OLA1: variants seen among roughly 807,000 people sequenced by gnomAD.
The protein encoded by OLA1 is obg-like ATPase 1.
In OLA1, 14 loss-of-function variants were observed where a neutral mutation model predicts 48.4. The ratio of observed to expected loss-of-function variants is 0.29; its 90% CI spans 0.19 to 0.45. OLA1 has a LOEUF of 0.45. Ranked by LOEUF, OLA1 falls within the 20% of genes least tolerant of loss-of-function variation. The probability of loss-of-function intolerance (pLI) is 1.00; values close to 1 mark genes in which losing one functional copy is unlikely to be tolerated. For synonymous variants in OLA1, 127 were observed against 150.4 expected, an observed-to-expected ratio of 0.84 and a Z score of 1.14; for missense variants, 325 against 467.1, an observed-to-expected ratio of 0.70 and a Z score of 2.80.
chr2:174,162,774 A>G (rs1433747991), intron 4 of OLA1, among the ~76,000 whole-genome samples: 2 of 152,190 alleles, frequency 1.3e-5, no homozygotes, highest in African/African-American at 4.8e-5. Context: ...GTGGTTAAGA[A>G]TCACTGCTCC....
chr2:174,175,296 TA>T (rs34692902), intron 4 of OLA1, among the ~76,000 whole-genome samples: 211 of 132,682 alleles, frequency 1.6e-3, no homozygotes, highest in African/African-American at 2.5e-3. Context: ...AAGACAGAAT[TA>T]AAAAAAAAAA....
At chr2:174,218,517 T>C (rs886579068) in intron 4 of OLA1, among the ~76,000 whole-genome samples, 30 of 152,260 alleles carry the variant, frequency 2.0e-4, no homozygotes, top group African/African-American at 7.0e-4. Context: ...CCCGTTTATA[T>C]AGCTGAATCC....
chr2:174,225,549 CA>C (rs1164106354), intron 3 of OLA1, among the ~76,000 whole-genome samples: 6 of 145,466 alleles, frequency 4.1e-5, no homozygotes, highest in Admixed American at 6.8e-5. Flanking sequence ...AACTCCCTCT[CA>C]AAAAAAAAAG....
At chr2:174,097,204 G>A (rs775611533) in intron 7 of OLA1, among the ~76,000 whole-genome samples, 5 of 152,020 alleles carry the variant, frequency 3.3e-5, no homozygotes, top group Non-Finnish European at 7.4e-5. Flanking sequence ...CTTTATTTCT[G>A]AGAAGTCTTG....
intron 4 of OLA1, among the ~76,000 whole-genome samples, chr2:174,194,976 T>C (rs564823775): frequency 5.3e-5 from 8 of 152,274 alleles, no homozygotes; most frequent in African/African-American, 1.9e-4. Flanking sequence ...TCTGCAACTT[T>C]GAAACTATGG....
intron 2 of OLA1, among the ~76,000 whole-genome samples, chr2:174,237,404 G>T (rs1045773683): frequency 6.6e-6 from 1 of 151,712 alleles, no homozygotes; most frequent in Non-Finnish European, 1.5e-5. Flanking sequence ...CTGTTTTACA[G>T]TTACTTTTTT....
intron 4 of OLA1, among the ~76,000 whole-genome samples, chr2:174,216,793 CT>C (rs1688370711): frequency 6.6e-6 from 1 of 152,084 alleles, no homozygotes; most frequent in South Asian, 2.1e-4. Context: ...AGCAATCCTC[CT>C]CCCTCAGCCT....
At chr2:174,201,873 C>A (rs1247976315) in intron 4 of OLA1, among the ~76,000 whole-genome samples, 1 of 151,938 alleles carries the variant, frequency 6.6e-6, no homozygotes, top group African/African-American at 2.4e-5. Context: ...ATTATCAGTC[C>A]AATAAAGGTA....
chr2:174,167,911 A>T (rs1687204048), intron 4 of OLA1, among the ~76,000 whole-genome samples: 1 of 152,224 alleles, frequency 6.6e-6, no homozygotes, highest in Non-Finnish European at 1.5e-5. Flanking sequence ...ACATAGTAAG[A>T]TCTCACTGGA....
chr2:174,241,157 C>A (rs1319482841), intron 2 of OLA1, among the ~76,000 whole-genome samples: 2 of 152,176 alleles, frequency 1.3e-5, no homozygotes, highest in Non-Finnish European at 2.9e-5. Flanking sequence ...CCCCAGACTT[C>A]CAGTCAATCC....
At chr2:174,226,284 T>C (rs1158181822) in intron 3 of OLA1, among the ~76,000 whole-genome samples, 1 of 151,918 alleles carries the variant, frequency 6.6e-6, no homozygotes, top group Non-Finnish European at 1.5e-5. Context: ...ATTAATACAA[T>C]ATCTCAAAAA....
chr2:174,096,548 G>A (rs1685260068), intron 7 of OLA1, among the ~76,000 whole-genome samples: 1 of 152,086 alleles, frequency 6.6e-6, no homozygotes, highest in South Asian at 2.1e-4. Flanking sequence ...GAAATAGTAT[G>A]GGCCAATAGA....
intron 4 of OLA1, among the ~76,000 whole-genome samples, chr2:174,146,365 T>C (rs769035529): frequency 3.3e-5 from 5 of 152,208 alleles, no homozygotes; most frequent in Admixed American, 1.3e-4. Context: ...GAGGCAAGAA[T>C]GACTGCAGAC....
rs1558984333 is a variant in OLA1, at chr2:174,163,707, AATAAATATATATATATAT to A, written c.374-21725_374-21708del. Among the ~76,000 whole-genome samples, 33 of 39,994 alleles carry A rather than the reference AATAAATATATATATATAT, an allele frequency of 8.3e-4. 6 individuals carry two copies. The highest frequency in any genetic ancestry group is 2.2e-3 in the African/African-American group (20 of 9,070). The allele number at this position is 39,994 out of a possible 152,430, so 26.2% of individuals were successfully genotyped here. ...CCTTGTCTCAAAAATAAAATAAATA[AATAAATATATATATATAT>A]ATATATATATATATATATATATATA... is the stretch of plus-strand genomic sequence containing the variant. On this transcript the variant is annotated intron_variant, in intron 4 of 10. Transcript: ENST00000284719.
intron 5 of OLA1, chr2:174,124,240 C>G (rs1332828220): frequency 6.6e-6 from 1 of 151,396 alleles, no homozygotes; most frequent in Admixed American, 6.6e-5. Flanking sequence ...CCCCACCCCC[C>G]GAACCTGCCA....
At chr2:174,150,131 T>A (rs1469502195) in intron 4 of OLA1, among the ~76,000 whole-genome samples, 1 of 152,222 alleles carries the variant, frequency 6.6e-6, no homozygotes, top group Non-Finnish European at 1.5e-5. Flanking sequence ...GCAGCAGTGT[T>A]GAGAAGTGGG....
At chr2:174,100,769 C>A (rs140123787) in intron 7 of OLA1, among the ~76,000 whole-genome samples, 7 of 152,168 alleles carry the variant, frequency 4.6e-5, no homozygotes, top group Non-Finnish European at 7.4e-5. Context: ...GCACATATAA[C>A]TATCCCCCCA....
chr2:174,111,878 A>G (rs1256061217), intron 7 of OLA1, among the ~76,000 whole-genome samples: 1 of 152,208 alleles, frequency 6.6e-6, no homozygotes, highest in Non-Finnish European at 1.5e-5. Context: ...TAGCAATAAT[A>G]TGTATTTTCA....
At chr2:174,133,324 T>C (rs1268677947) in intron 5 of OLA1, among the ~76,000 whole-genome samples, 1 of 152,078 alleles carries the variant, frequency 6.6e-6, no homozygotes, top group Non-Finnish European at 1.5e-5. Flanking sequence ...TTATGATGGG[T>C]TTACTGGGTT....
Sources: allele counts gnomAD v4.1 joint callset (sites outside exome capture counted in the v4.1 genomes callset), GRCh38; gene constraint gnomAD v4.1.1; transcripts MANE v1.5; gene names NCBI Gene and HGNC (gene_info 2026-07-23, HGNC 2026-07-21).